MILR1: variants seen among roughly 807,000 people sequenced by gnomAD.
The protein encoded by MILR1 is allergin-1.
A neutral mutation model predicts 18.5 loss-of-function variants in MILR1; 31 were observed. The observed-to-expected ratio is 1.68, with a 90% CI of 1.26 to 2.26. MILR1 has a LOEUF of 2.26. MILR1 is among the 30% of genes most tolerant of loss of function. The pLI is 0.00. For missense variants in MILR1, 257 were observed against 157.4 expected (o/e 1.63, Z -3.38); for synonymous variants, 85 against 56.2 (o/e 1.51, Z -2.30).
downstream of MILR1, chr17:64,468,719 C>T: frequency 1.4e-6 from 1 of 716,400 alleles, no homozygotes; most frequent in Non-Finnish European, 1.7e-6. Flanking sequence ...TTCCACTGGT[C>T]AGCACTGTCC....
At chr17:64,480,341 A>T in the MILR1 span, 1 of 1,602,472 alleles carries the variant, frequency 6.2e-7, no homozygotes, top group Non-Finnish European at 8.5e-7. Flanking sequence ...TAACCAGGCC[A>T]CACAGAAATC....
the MILR1 span, among the ~76,000 whole-genome samples, chr17:64,479,847 G>A: frequency 4.6e-5 from 7 of 152,196 alleles, no homozygotes; most frequent in African/African-American, 1.7e-4. Flanking sequence ...TCTCTGTCTT[G>A]AGCAATTGGG....
intron 2 of MILR1, among the ~76,000 whole-genome samples, chr17:64,450,604 C>T (rs1008748019): frequency 6.6e-6 from 1 of 152,158 alleles, no homozygotes; most frequent in South Asian, 2.1e-4. Context: ...CTCAGCCTCC[C>T]GAGTAGCTGG....
intron 5 of MILR1, among the ~76,000 whole-genome samples, chr17:64,464,768 C>CA (rs1297904925): frequency 1.9e-4 from 29 of 152,120 alleles, no homozygotes; most frequent in Non-Finnish European, 3.8e-4. Flanking sequence ...ACTAAAAATA[C>CA]AAAAAATTAG....
At chr17:64,478,056 G>A in the MILR1 span, 1 of 1,537,570 alleles carries the variant, frequency 6.5e-7, no homozygotes, top group South Asian at 1.1e-5. Flanking sequence ...CACGTTGCCA[G>A]CTGTAATTCA....
chr17:64,470,163 G>A (rs1331305590), downstream of MILR1, among the ~76,000 whole-genome samples: 4 of 152,068 alleles, frequency 2.6e-5, no homozygotes, highest in African/African-American at 9.7e-5. Flanking sequence ...GCACGATTTC[G>A]GCTCACTGCA....
chr17:64,452,508 C>T (rs961347814), intron 2 of MILR1, 89 bp from the exon 3 acceptor site: 44 of 409,666 alleles, frequency 1.1e-4, no homozygotes, highest in Admixed American at 2.2e-4. Flanking sequence ...CTGCCTCGGC[C>T]GCCCAAAGTG....
the MILR1 span, chr17:64,485,571 C>T: frequency 1.5e-6 from 1 of 660,964 alleles, no homozygotes; most frequent in African/African-American, 1.8e-5. Context: ...GATTCTTATT[C>T]CTGTGGCCAG....
the MILR1 span, chr17:64,485,171 T>C: frequency 6.5e-6 from 1 of 154,656 alleles, no homozygotes; most frequent in East Asian, 1.9e-4. Context: ...GTTTCCTTCA[T>C]CTTGCCCCAT....
chr17:64,484,842 T>G, the MILR1 span, among the ~76,000 whole-genome samples: 1 of 152,330 alleles, frequency 6.6e-6, no homozygotes, highest in Non-Finnish European at 1.5e-5. Flanking sequence ...TACAAACTCA[T>G]GGTTCCCAAT....
At chr17:64,486,512 C>A in the MILR1 span, among the ~76,000 whole-genome samples, 9 of 152,100 alleles carry the variant, frequency 5.9e-5, no homozygotes, top group Non-Finnish European at 1.3e-4. Context: ...CAGGCACACA[C>A]CACCATGTCT....
Position 64,452,835 on chromosome 17 carries a change from A to G in MILR1, c.336A>G (p.Lys112=), listed in dbSNP as rs1260380586. ...AAGCCCAAGTTACCAGCTGTTCAAA[A>G]TACAGTCGTGACTTCAGCTTCACGA... The part of the protein sequence containing the change: ...KCKAQVTSCS[K]YSRDFSFTIV... The change falls in exon 3 of 10, where the codon AAA becomes AAG. Residue 112 remains lysine (K), a synonymous_variant. Transcript: ENST00000619286. 1 of 475,122 alleles carries G rather than the reference A, an allele frequency of 2.1e-6. No individual in the cohort carries two copies. The highest frequency in any genetic ancestry group is 2.0e-5 in the African/African-American group (1 of 50,476). The allele number at this position is 475,122 out of a possible 1,614,324, so 29.4% of individuals were successfully genotyped here. A position where few individuals can be genotyped will look rare whatever the true frequency, so the allele number is the denominator to read the frequency against.
chr17:64,453,160 C>T (rs1264686692), intron 3 of MILR1, among the ~76,000 whole-genome samples: 3 of 151,752 alleles, frequency 2.0e-5, no homozygotes, highest in African/African-American at 7.3e-5. Flanking sequence ...ACTCCACCTC[C>T]TGGGTTCAAG....
At chr17:64,464,312 G>A (rs1451417049) in intron 5 of MILR1, among the ~76,000 whole-genome samples, 1 of 147,246 alleles carries the variant, frequency 6.8e-6, no homozygotes, top group South Asian at 2.1e-4. Flanking sequence ...GTTTCACCAT[G>A]TTTCCCAGGC....
chr17:64,453,262 T>G (rs956410322), intron 3 of MILR1, among the ~76,000 whole-genome samples: 43 of 151,832 alleles, frequency 2.8e-4, no homozygotes, highest in Middle Eastern at 3.4e-3. Flanking sequence ...TGAGACGAGG[T>G]TTCACCATGT....
the MILR1 span, among the ~76,000 whole-genome samples, chr17:64,475,158 A>G: frequency 6.6e-6 from 1 of 151,004 alleles, no homozygotes; most frequent in African/African-American, 2.4e-5. Context: ...TGCACTCCAG[A>G]CTGTGTGACA....
intron 2 of MILR1, among the ~76,000 whole-genome samples, chr17:64,451,170 T>G (rs1033288717): frequency 2.6e-5 from 4 of 151,488 alleles, no homozygotes; most frequent in African/African-American, 9.7e-5. Context: ...TGAGACAGAG[T>G]CTCTGCTCTG....
chr17:64,470,951 T>C (rs1425514119), downstream of MILR1, among the ~76,000 whole-genome samples: 1 of 152,168 alleles, frequency 6.6e-6, no homozygotes, highest in Non-Finnish European at 1.5e-5. Flanking sequence ...CTAAACCTCA[T>C]TCCACATGGC....
At chr17:64,494,880 C>A in the MILR1 span, among the ~76,000 whole-genome samples, 1 of 152,170 alleles carries the variant, frequency 6.6e-6, no homozygotes, top group Admixed American at 6.5e-5. Context: ...ATCTTAGAAA[C>A]CAAGATCTGG....
Sources: allele counts gnomAD v4.1 joint callset (sites outside exome capture counted in the v4.1 genomes callset), GRCh38; gene constraint gnomAD v4.1.1; transcripts MANE v1.5; gene names NCBI Gene and HGNC (gene_info 2026-07-23, HGNC 2026-07-21).